MICU2: variants seen among roughly 807,000 people sequenced by gnomAD.
MICU2 encodes calcium uptake protein 2, mitochondrial.
In MICU2, 64 loss-of-function variants were observed where a neutral mutation model predicts 60.4. That is an observed-to-expected ratio of 1.06 (90% CI 0.87 to 1.31). MICU2 has a LOEUF of 1.31. MICU2 is among the 50% of genes most tolerant of loss of function. The pLI is 0.00. For missense variants in MICU2, 569 were observed against 531.0 expected, an observed-to-expected ratio of 1.07 and a Z score of -0.70; for synonymous variants, 201 against 175.0, an observed-to-expected ratio of 1.15 and a Z score of -1.17.
chr13:21,551,564 T>C (rs1278733250), intron 2 of MICU2, among the ~76,000 whole-genome samples: 1 of 150,002 alleles, frequency 6.7e-6, no homozygotes, highest in African/African-American at 2.4e-5. Context: ...ATTAGGTATA[T>C]CTCCTAATGC....
At chr13:21,584,978 C>A (rs906119381) in intron 1 of MICU2, among the ~76,000 whole-genome samples, 1 of 152,044 alleles carries the variant, frequency 6.6e-6, no homozygotes, top group African/African-American at 2.4e-5. Context: ...AATATAAATG[C>A]AAAAGAAAAG....
chr13:21,554,969 G>C (rs960189125), intron 2 of MICU2, among the ~76,000 whole-genome samples: 2 of 152,106 alleles, frequency 1.3e-5, no homozygotes, highest in Admixed American at 6.5e-5. Context: ...GACTAAATCA[G>C]GAAGAAGTTG....
chr13:21,496,104 G>A lies in MICU2; in HGVS notation c.990C>T (p.Asp330=). 6.2e-7 allele frequency: 1 copy of A among 1,614,108 alleles called. No homozygotes were observed. The highest frequency in any genetic ancestry group is 1.1e-5 in the South Asian group (1 of 91,076). ...SFCHFTTHLE[D]FAIAMQMFSL... is the part of the protein sequence containing the mutation. ...TGAACATCTGCATGGCAATAGCAAA[G>A]TCTTCCAAGTGGGTTGTAAAATGGC... The change falls in exon 10 of 12, where the codon GAC becomes GAT. Residue 330 remains aspartate, a synonymous_variant. Coordinates refer to ENST00000382374, the MANE Select transcript of MICU2 (RefSeq NM_152726.3).
rs1029977130 is a variant in MICU2 at position 21,578,130 on chromosome 13, G to C, written c.211-11186C>G. Reference sequence around the variant, plus strand: ...TGAGTAAGTTTTTATCAAAGCCGTAGTAACCCTGCACTGGAATTGCCTGTT... The same window carrying C: ...TGAGTAAGTTTTTATCAAAGCCGTACTAACCCTGCACTGGAATTGCCTGTT... On this transcript the variant is annotated intron_variant, in intron 1 of 11. Coordinates refer to ENST00000382374, the MANE Select transcript of MICU2 (RefSeq NM_152726.3). Among the ~76,000 whole-genome samples the C allele has an allele frequency of 2.6e-5, 4 of 152,306 alleles. No individual in the cohort carries two copies. In the East Asian group the frequency reaches 7.7e-4, roughly 29 times the overall value.
intron 1 of MICU2, among the ~76,000 whole-genome samples, chr13:21,602,379 G>T (rs1888841104): frequency 6.6e-6 from 1 of 152,070 alleles, no homozygotes; most frequent in Non-Finnish European, 1.5e-5. Context: ...AAAATTAGCC[G>T]GGCGCGATGG....
intron 2 of MICU2, among the ~76,000 whole-genome samples, chr13:21,552,309 C>T (rs1887591041): frequency 6.6e-6 from 1 of 152,052 alleles, no homozygotes; most frequent in Non-Finnish European, 1.5e-5. Context: ...TGTTTGAGTT[C>T]ATTGTAGATT....
intron 8 of MICU2, among the ~76,000 whole-genome samples, chr13:21,507,867 T>G (rs924721236): frequency 6.6e-6 from 1 of 151,846 alleles, no homozygotes; most frequent in African/African-American, 2.4e-5. Flanking sequence ...CCTTCTAAAG[T>G]GCTGGGATAC....
chr13:21,543,370 G>A (rs1471594727), intron 2 of MICU2, among the ~76,000 whole-genome samples: 1 of 152,110 alleles, frequency 6.6e-6, no homozygotes. Context: ...AATTGGAAAG[G>A]AAGAAGTCAA....
At chr13:21,495,474 A>G (rs1242498557) in intron 10 of MICU2, 156 bp from the exon 11 acceptor site, 2 of 671,962 alleles carry the variant, frequency 3.0e-6, no homozygotes, top group Non-Finnish European at 2.4e-6. Flanking sequence ...AAATATTCAA[A>G]CCATAAGCCG....
intron 2 of MICU2, 41 bp downstream of exon 2, chr13:21,566,756 G>A: frequency 6.7e-7 from 1 of 1,488,930 alleles, no homozygotes; most frequent in Non-Finnish European, 8.9e-7. Context: ...CAGCCCTGAA[G>A]TCTGATTTTT....
chr13:21,512,574 A>T (rs750367676), intron 7 of MICU2, among the ~76,000 whole-genome samples: 21 of 150,254 alleles, frequency 1.4e-4, no homozygotes, highest in Non-Finnish European at 2.8e-4. Flanking sequence ...CAGCCTCCTG[A>T]GTAGCTGGGA....
At chr13:21,582,756 G>C (rs192500383) in intron 1 of MICU2, 12 of 152,328 alleles carry the variant, frequency 7.9e-5, no homozygotes, top group Admixed American at 7.8e-4. Flanking sequence ...TTAGCCAATT[G>C]GAATTAGTTT....
At chr13:21,493,775 G>T (rs1885920807) in intron 11 of MICU2, among the ~76,000 whole-genome samples, 3 of 148,196 alleles carry the variant, frequency 2.0e-5, no homozygotes, top group African/African-American at 2.5e-5. Context: ...ATTTAACATT[G>T]GCTAAAATTA....
chr13:21,511,043 T>C (rs528998682), intron 7 of MICU2, among the ~76,000 whole-genome samples: 158 of 152,134 alleles, frequency 1.0e-3, no homozygotes, highest in Non-Finnish European at 1.9e-3. Context: ...GAGGGAATAA[T>C]CAGAAGCCCA....
At chr13:21,567,484 G>C (rs1247766210) in intron 1 of MICU2, among the ~76,000 whole-genome samples, 2 of 152,100 alleles carry the variant, frequency 1.3e-5, no homozygotes, top group Middle Eastern at 3.2e-3. Context: ...AGAGTCAGGA[G>C]GGCAACAGAA....
chr13:21,510,812 AAATGAATTCATTTAATTCATT>A (rs1293642720), intron 7 of MICU2, among the ~76,000 whole-genome samples: 25 of 146,778 alleles, frequency 1.7e-4, no homozygotes, highest in African/African-American at 6.9e-4. Context: ...GGAATTCATT[AAATGAATTCATTTAATTCATT>A]CATTAATTCA....
At chr13:21,503,995 T>C (rs1886238659) in intron 8 of MICU2, among the ~76,000 whole-genome samples, 1 of 152,200 alleles carries the variant, frequency 6.6e-6, no homozygotes, top group Non-Finnish European at 1.5e-5. Flanking sequence ...AAGTTCTACA[T>C]TTATCCTATA....
chr13:21,580,681 T>C (rs576452846), intron 1 of MICU2, among the ~76,000 whole-genome samples: 3 of 152,344 alleles, frequency 2.0e-5, no homozygotes, highest in African/African-American at 4.8e-5. Flanking sequence ...TTATGGGCTA[T>C]TGTTTAGATA....
At chr13:21,588,743 C>T (rs951156488) in intron 1 of MICU2, among the ~76,000 whole-genome samples, 6 of 152,188 alleles carry the variant, frequency 3.9e-5, no homozygotes, top group Admixed American at 6.5e-5. Context: ...ACCCTAGCAT[C>T]TCATCAACCA....
Sources: gnomAD v4.1 joint callset for allele counts (sites outside exome capture counted in the v4.1 genomes callset) on GRCh38, gnomAD v4.1.1 for gene constraint, MANE v1.5 for transcripts, NCBI Gene and HGNC (gene_info 2026-07-23, HGNC 2026-07-21) for gene names.